The following LOXHD1 variants were observed in gnomAD, a reference collection of about 807,000 sequenced individuals.
LOXHD1 encodes the protein lipoxygenase homology domain-containing protein 1.
Under a neutral mutation model 248.2 loss-of-function variants are expected in LOXHD1, and 205 were observed. That is an observed-to-expected ratio of 0.83 (90% CI 0.74 to 0.93). The LOEUF (loss-of-function observed/expected upper bound fraction) is 0.93. Ranked by LOEUF, LOXHD1 falls within the 40% of genes least tolerant of loss-of-function variation. LOXHD1 has a pLI of 0.00. For missense variants in LOXHD1, 2,930 were observed against 2,971.6 expected (o/e 0.99, Z 0.33); for synonymous variants, 1,113 against 1,162.8 (o/e 0.96, Z 0.87).
At chr18:46,551,908 G>T (rs778627850) in intron 21 of LOXHD1, among the ~76,000 whole-genome samples, 16 of 152,184 alleles carry the variant, frequency 1.1e-4, no homozygotes, top group Non-Finnish European at 1.8e-4. Flanking sequence ...CTACAACACG[G>T]ATGAAGCTTG....
At position 46,569,560 on chromosome 18, in the gene LOXHD1, T is replaced by C. The variant is rs757188683; in HGVS notation, c.2126A>G (p.Tyr709Cys). ...CTTGATGGTGTCAGATTTATCCCCA[T>C]AGAGCTTGATGTAGACTCTAGAATC... ...STDSRVYIKL[Y>C]GDKSDTIKQV... is the part of the protein sequence containing the mutation. Residue 709 changes from tyrosine (Y) to cysteine (C), a missense_variant, in exon 16 of 41, where the codon TAT (tyrosine) becomes TGT (cysteine). By Grantham distance (194) the Tyr-to-Cys change is radical. Coordinates refer to ENST00000642948, the MANE Select transcript of LOXHD1 (RefSeq NM_001384474.1). 5.2e-6 allele frequency: 8 copies of C among 1,551,820 alleles called. No homozygotes were observed. The East Asian group carries it at 7.3e-5, about 14-fold the overall frequency.
chr18:46,497,631 G>C (rs898225050), intron 37 of LOXHD1, among the ~76,000 whole-genome samples: 2 of 152,158 alleles, frequency 1.3e-5, no homozygotes, highest in African/African-American at 4.8e-5. Context: ...GGGTCTGAAA[G>C]AGAAGTATAA....
chr18:46,618,389 C>G, intron 4 of LOXHD1, 99 bp from the exon 5 acceptor site: 2 of 765,552 alleles, frequency 2.6e-6, no homozygotes, highest in Non-Finnish European at 4.4e-6. Context: ...TTACCCCCAG[C>G]AATGCATAAA....
intron 8 of LOXHD1, among the ~76,000 whole-genome samples, chr18:46,600,319 C>A (rs1361922607): frequency 2.0e-5 from 3 of 152,156 alleles, no homozygotes; most frequent in African/African-American, 7.2e-5. Flanking sequence ...ACAGTTATGG[C>A]CAGGAGCGAT....
In LOXHD1 at chr18:46,521,271, G is replaced by A. The variant is rs375851293; in HGVS notation, c.5097C>T (p.Asp1699=). 6.3e-5 allele frequency: 98 copies of A among 1,551,534 alleles called. No homozygotes were observed. The African/African-American group carries it at 9.4e-4, about 15-fold the overall frequency. The change falls in exon 33 of 41, where the codon GAC becomes GAT. Residue 1699 remains aspartate (D), a synonymous_variant. Transcript: ENST00000642948. ...GIIKKIELGH[D]GASPESCWLV... Reference sequence around the variant, plus strand: ...GCCAGCAGCTCTCAGGGGAGGCCCCGTCATGGCCCAGCTAGGAGGAGACAC... The same window carrying A: ...GCCAGCAGCTCTCAGGGGAGGCCCCATCATGGCCCAGCTAGGAGGAGACAC...
chr18:46,509,223 G>T (rs570531483), intron 35 of LOXHD1, among the ~76,000 whole-genome samples: 1 of 152,268 alleles, frequency 6.6e-6, no homozygotes, highest in Admixed American at 6.5e-5. Context: ...GGTTCCTCAG[G>T]CAGGGTGCTG....
intron 4 of LOXHD1, among the ~76,000 whole-genome samples, chr18:46,622,762 C>T (rs2038686260): frequency 6.6e-6 from 1 of 152,234 alleles, no homozygotes; most frequent in Admixed American, 6.5e-5. Flanking sequence ...CCTACAATGC[C>T]ATGTGGCTGG....
chr18:46,523,234 ACCACG>A (rs2035666049), intron 31 of LOXHD1, among the ~76,000 whole-genome samples: 1 of 152,214 alleles, frequency 6.6e-6, no homozygotes, highest in African/African-American at 2.4e-5. Flanking sequence ...GGCATAAGCC[ACCACG>A]CCTGGCCAGG....
At chr18:46,592,310 T>G (rs542630051) in intron 11 of LOXHD1, among the ~76,000 whole-genome samples, 188 bp downstream of exon 11, 2 of 152,276 alleles carry the variant, frequency 1.3e-5, no homozygotes, top group African/African-American at 4.8e-5. Flanking sequence ...TTTCTTAATC[T>G]ACTTCGGAAG....
Position 46,545,371 on chromosome 18 carries a change from C to T in LOXHD1, c.3565G>A (p.Ala1189Thr). 1.3e-6 allele frequency: 2 copies of T among 1,552,076 alleles called. No homozygotes were observed. ...ATGAAGACATTAGCATCTGTGCCCGCATTCTTCTTAACCCCAGTCTTTATG... is the reference window on the plus strand; with the variant it reads ...ATGAAGACATTAGCATCTGTGCCCGTATTCTTCTTAACCCCAGTCTTTATG... ...VTIKTGVKKN[A>T]GTDANVFITL... Residue 1189 changes from alanine (A) to threonine (T), a missense_variant, in exon 23 of 41, where the codon GCG (alanine) becomes ACG (threonine). Transcript: ENST00000642948.
At chr18:46,574,575 C>T (rs2037818744) in intron 14 of LOXHD1, among the ~76,000 whole-genome samples, 1 of 148,498 alleles carries the variant, frequency 6.7e-6, no homozygotes, top group Non-Finnish European at 1.5e-5. Context: ...TGGCAAATGC[C>T]ATCACTACAT....
At chr18:46,495,764 CA>C (rs1391223029) in intron 37 of LOXHD1, among the ~76,000 whole-genome samples, 1 of 152,004 alleles carries the variant, frequency 6.6e-6, no homozygotes, top group Non-Finnish European at 1.5e-5. Context: ...TTGAACAATA[CA>C]AATAAATCAT....
intron 37 of LOXHD1, among the ~76,000 whole-genome samples, chr18:46,498,928 C>T (rs529189957): frequency 7.2e-4 from 110 of 152,092 alleles, no homozygotes; most frequent in African/African-American, 2.6e-3. Context: ...ATCTAGAAAC[C>T]CCTCAGTCAC....
chr18:46,490,773 C>T (rs1051016717), intron 37 of LOXHD1, among the ~76,000 whole-genome samples: 19 of 152,350 alleles, frequency 1.2e-4, no homozygotes, highest in African/African-American at 4.1e-4. Flanking sequence ...CCTCGCCCGG[C>T]GGTAAGTTAT....
rs2038212868 is a variant in LOXHD1 at position 46,593,681 on chromosome 18, A to G, written c.1350T>C (p.Tyr450=). 1 of 1,552,192 alleles carries G rather than the reference A, an allele frequency of 6.4e-7. No individual in the cohort carries two copies. The highest frequency in any genetic ancestry group is 1.4e-5 in the African/African-American group (1 of 73,030). The change falls in exon 10 of 41, where the codon TAT becomes TAC. Residue 450 remains tyrosine, a synonymous_variant. Coordinates refer to ENST00000642948, the MANE Select transcript of LOXHD1 (RefSeq NM_001384474.1). ...TCTCATCTGTCCGCCCCTTCTGCCC[A>G]TAAATCTGGATGAAGATGGGAGAGT... The part of the protein sequence containing the change: ...GTNSPIFIQI[Y]GQKGRTDEIL...
intron 4 of LOXHD1, among the ~76,000 whole-genome samples, chr18:46,618,776 A>C (rs2038626749): frequency 6.6e-6 from 1 of 152,152 alleles, no homozygotes; most frequent in Non-Finnish European, 1.5e-5. Flanking sequence ...ATAAAAATTC[A>C]CTGGGAAAAC....
chr18:46,484,963 G>T, intron 39 of LOXHD1, 56 bp downstream of exon 39: 1 of 1,534,190 alleles, frequency 6.5e-7, no homozygotes, highest in Non-Finnish European at 8.8e-7. Flanking sequence ...GAGATTCTCG[G>T]GGTCCTCCCT....
intron 5 of LOXHD1, among the ~76,000 whole-genome samples, chr18:46,616,086 G>C (rs775214320): frequency 8.6e-5 from 13 of 151,930 alleles, no homozygotes; most frequent in Non-Finnish European, 1.5e-4. Flanking sequence ...ATCATATACT[G>C]TATTTAAGCT....
chr18:46,629,074 T>C (rs2038784877), intron 4 of LOXHD1, among the ~76,000 whole-genome samples: 1 of 152,138 alleles, frequency 6.6e-6, no homozygotes. Context: ...TTTGCCCCCA[T>C]GGAGGAGGGC....
Sources: allele counts gnomAD v4.1 joint callset (sites outside exome capture counted in the v4.1 genomes callset), GRCh38; gene constraint gnomAD v4.1.1; transcripts MANE v1.5; gene names NCBI Gene and HGNC (gene_info 2026-07-23, HGNC 2026-07-21).